The following GRM8 variants were observed in gnomAD, a reference collection of about 807,000 sequenced individuals.
GRM8 encodes the protein glutamate metabotropic receptor 8.
In GRM8, 47 loss-of-function variants were observed where a neutral mutation model predicts 87.2. The ratio of observed to expected loss-of-function variants is 0.54; its 90% CI spans 0.43 to 0.69. The LOEUF (loss-of-function observed/expected upper bound fraction) is 0.69. Ranked by LOEUF, GRM8 falls within the 30% of genes least tolerant of loss-of-function variation. The pLI is 0.00. For missense variants in GRM8, 1,019 were observed against 1,139.2 expected, an observed-to-expected ratio of 0.89 and a Z score of 1.52; for synonymous variants, 396 against 404.5, an observed-to-expected ratio of 0.98 and a Z score of 0.25.
chr7:126,623,133 A>G (rs1025093425), intron 7 of GRM8, among the ~76,000 whole-genome samples: 3 of 71,482 alleles, frequency 4.2e-5, no homozygotes, highest in Admixed American at 1.3e-4. Context: ...ATGTAAACTA[A>G]GTTAATAATG....
chr7:126,964,244 A>G (rs1286362818), intron 3 of GRM8, among the ~76,000 whole-genome samples: 1 of 152,240 alleles, frequency 6.6e-6, no homozygotes, highest in African/African-American at 2.4e-5. Flanking sequence ...ACCATTGAGG[A>G]CATAGGCATG....
At chr7:127,238,086 C>A (rs1271923962) in intron 2 of GRM8, among the ~76,000 whole-genome samples, 1 of 152,104 alleles carries the variant, frequency 6.6e-6, no homozygotes, top group East Asian at 1.9e-4. Context: ...GGGAGCTGGA[C>A]CCCTCTTTTC....
intron 3 of GRM8, among the ~76,000 whole-genome samples, chr7:126,927,078 T>C (rs1475490029): frequency 1.3e-5 from 2 of 152,236 alleles, no homozygotes; most frequent in Admixed American, 1.3e-4. Flanking sequence ...CTGTTCAACG[T>C]CTTCCAGTGG....
At chr7:126,950,726 T>C (rs78418296) in intron 3 of GRM8, among the ~76,000 whole-genome samples, 1,778 of 152,240 alleles carry the variant, frequency 0.012, 45 homozygotes, top group African/African-American at 0.041. Context: ...GAGGTAGGTA[T>C]TCTTATCATT....
intron 7 of GRM8, among the ~76,000 whole-genome samples, chr7:126,648,455 A>C (rs1803425703): frequency 2.0e-5 from 3 of 152,162 alleles, no homozygotes; most frequent in Admixed American, 2.0e-4. Context: ...ATATCTGTTC[A>C]ATGTTTGAAT....
intron 3 of GRM8, among the ~76,000 whole-genome samples, chr7:127,029,701 A>G (rs1231412331): frequency 6.7e-6 from 1 of 149,708 alleles, no homozygotes; most frequent in African/African-American, 2.5e-5. Context: ...ATCTTCCTCC[A>G]TCCCTTTATT....
intron 9 of GRM8, among the ~76,000 whole-genome samples, chr7:126,487,305 A>G (rs2150622986): frequency 6.6e-6 from 1 of 152,052 alleles, no homozygotes; most frequent in East Asian, 1.9e-4. Context: ...GACGTATTTT[A>G]ATTTTTCTAA....
intron 3 of GRM8, chr7:127,084,252 G>T (rs1823211361): frequency 6.6e-6 from 1 of 152,180 alleles, no homozygotes; most frequent in Non-Finnish European, 1.5e-5. Context: ...AGGCAGAATG[G>T]ATTGGTAGAA....
intron 7 of GRM8, among the ~76,000 whole-genome samples, chr7:126,764,413 T>A (rs1817967476): frequency 2.0e-5 from 3 of 152,068 alleles, no homozygotes; most frequent in African/African-American, 7.2e-5. Context: ...TTTATTATTG[T>A]CTTATTTGAC....
intron 9 of GRM8, among the ~76,000 whole-genome samples, chr7:126,448,521 G>A (rs1449240854): frequency 6.6e-6 from 1 of 151,880 alleles, no homozygotes; most frequent in Non-Finnish European, 1.5e-5. Context: ...GAGGACTTTG[G>A]AATGCTAGCT....
At chr7:126,631,486 C>T (rs1415278048) in intron 7 of GRM8, among the ~76,000 whole-genome samples, 1 of 151,994 alleles carries the variant, frequency 6.6e-6, no homozygotes, top group East Asian at 1.9e-4. Flanking sequence ...CAATGCTATT[C>T]CCATTAAACT....
intron 2 of GRM8, among the ~76,000 whole-genome samples, chr7:127,219,121 G>T (rs1796757755): frequency 6.6e-6 from 1 of 150,648 alleles, no homozygotes; most frequent in Non-Finnish European, 1.5e-5. Context: ...GCTCTTTATG[G>T]CCTGCTTTCC....
intron 8 of GRM8, among the ~76,000 whole-genome samples, chr7:126,564,005 G>A (rs1793969986): frequency 6.6e-6 from 1 of 152,190 alleles, no homozygotes; most frequent in Non-Finnish European, 1.5e-5. Context: ...AAAAAGTTAG[G>A]GTGATGGTTA....
At chr7:126,489,127 C>T (rs922603218) in intron 9 of GRM8, among the ~76,000 whole-genome samples, 1 of 151,896 alleles carries the variant, frequency 6.6e-6, no homozygotes, top group African/African-American at 2.4e-5. Flanking sequence ...CTTAAAGAAG[C>T]ACATGGATTT....
chr7:127,097,111 G>C (rs1215857053), intron 3 of GRM8, among the ~76,000 whole-genome samples: 1 of 152,132 alleles, frequency 6.6e-6, no homozygotes, highest in Admixed American at 6.5e-5. Context: ...AAAAACACAT[G>C]CTGATAGAAA....
intron 3 of GRM8, among the ~76,000 whole-genome samples, chr7:126,978,247 A>G (rs959417278): frequency 6.6e-6 from 1 of 152,046 alleles, no homozygotes; most frequent in African/African-American, 2.4e-5. Flanking sequence ...GAAAAGGAGA[A>G]GAGAATCTGT....
chr7:126,879,913 C>A (rs542363194), intron 6 of GRM8, among the ~76,000 whole-genome samples: 1 of 152,256 alleles, frequency 6.6e-6, no homozygotes, highest in East Asian at 1.9e-4. Flanking sequence ...CGTGCCCTTT[C>A]TCAGTCACAA....
chr7:126,511,488 A>G (rs1811363493), intron 9 of GRM8: 1 of 152,082 alleles, frequency 6.6e-6, no homozygotes, highest in South Asian at 2.1e-4. Context: ...TCCAAGGCCA[A>G]TTGTGATGAG....
Position 126,920,822 on chromosome 7 carries a change from C to A in GRM8, c.728-16139G>T, listed in dbSNP as rs193076114. 2.7e-3 allele frequency among the ~76,000 whole-genome samples: 408 copies of A among 151,112 alleles called. 6 individuals carry two copies. Among genetic ancestry groups the A allele is most frequent in the African/African-American group, 9.5e-3 (391 of 41,114 alleles). ...CAGACTGCAGTAGCCTAACTTATCT[C>A]CCCCCACCCACCCCTGCCCCCACTA... On this transcript the variant is annotated intron_variant, in intron 3 of 10. Transcript: ENST00000339582.
Sources: allele counts gnomAD v4.1 joint callset (sites outside exome capture counted in the v4.1 genomes callset), GRCh38; gene constraint gnomAD v4.1.1; transcripts MANE v1.5; gene names NCBI Gene and HGNC (gene_info 2026-07-23, HGNC 2026-07-21).